CACHD1: variants seen among roughly 807,000 people sequenced by gnomAD.
The protein encoded by CACHD1 is cache domain containing 1, also known as VWFA and cache domain-containing protein 1.
CACHD1 carries 71 observed loss-of-function variants against 138.7 expected under a neutral mutation model. The observed-to-expected ratio is 0.51, with a 90% confidence interval of 0.42 to 0.62. The LOEUF (loss-of-function observed/expected upper bound fraction) is 0.62, where lower values mean the gene tolerates loss of function less well. CACHD1 is among the 20% of genes least tolerant of loss of function. CACHD1 has a pLI of 0.00. For missense variants in CACHD1, 1,389 were observed against 1,625.3 expected, an observed-to-expected ratio of 0.85 and a Z score of 2.50; for synonymous variants, 578 against 591.5, an observed-to-expected ratio of 0.98 and a Z score of 0.33.
At chr1:64,640,552 C>G (rs558633015) in intron 7 of CACHD1, among the ~76,000 whole-genome samples, 95 of 152,070 alleles carry the variant, frequency 6.2e-4, no homozygotes, top group African/African-American at 1.9e-3. Context: ...TGGCACGTGC[C>G]TGTAGTCCCA....
At chr1:64,516,623 A>G (rs776934565) in intron 1 of CACHD1, among the ~76,000 whole-genome samples, 7 of 152,220 alleles carry the variant, frequency 4.6e-5, no homozygotes, top group Non-Finnish European at 8.8e-5. Flanking sequence ...ACAGTCTTGC[A>G]CGATAGGCAT....
At chr1:64,552,319 CCTTGAAGGAAAGATAT>C (rs1646765136) in intron 2 of CACHD1, among the ~76,000 whole-genome samples, 1 of 152,014 alleles carries the variant, frequency 6.6e-6, no homozygotes, top group African/African-American at 2.4e-5. Context: ...TACCAAATAA[CCTTGAAGGAAAGATAT>C]CTTATTACAG....
intron 20 of CACHD1, 85 bp from the exon 21 acceptor site, chr1:64,675,812 C>T: frequency 1.1e-6 from 1 of 886,222 alleles, no homozygotes; most frequent in Admixed American, 2.6e-5. Flanking sequence ...TAGCTCAGAG[C>T]TTCATTATTT....
rs1557554383 is a variant in CACHD1, at chr1:64,679,583, C to T, written c.3245-12C>T. 1 of 1,612,972 alleles carries T rather than the reference C, an allele frequency of 6.2e-7. No individual in the cohort carries two copies. Reference sequence around the variant, plus strand: ...TCTTAACAAGAAACATCTTCTTGCTCTTTCACTGAAGGTGATGAGGTGATC... The same window carrying T: ...TCTTAACAAGAAACATCTTCTTGCTTTTTCACTGAAGGTGATGAGGTGATC... On this transcript the variant is annotated splice_polypyrimidine_tract_variant and intron_variant, in intron 23 of 26. Coordinates refer to ENST00000651257, the MANE Select transcript of CACHD1 (RefSeq NM_020925.4).
chr1:64,594,020 G>A (rs1192530975), intron 3 of CACHD1, among the ~76,000 whole-genome samples: 4 of 152,064 alleles, frequency 2.6e-5, no homozygotes, highest in East Asian at 1.9e-4. Context: ...TTGGGAGGCC[G>A]AGGCGTGGGG....
chr1:64,586,898 G>A (rs1647055353), intron 3 of CACHD1, among the ~76,000 whole-genome samples: 3 of 152,192 alleles, frequency 2.0e-5, no homozygotes, highest in Non-Finnish European at 4.4e-5. Flanking sequence ...TATTGCTAAA[G>A]TCCTTCCAAA....
intron 19 of CACHD1, among the ~76,000 whole-genome samples, 183 bp downstream of exon 19, chr1:64,673,647 C>A (rs907871899): frequency 6.6e-6 from 1 of 152,134 alleles, no homozygotes; most frequent in Non-Finnish European, 1.5e-5. Flanking sequence ...ATATAAAGCT[C>A]AGAGTAGAAA....
At chr1:64,653,065 G>T (rs1649148594) in intron 10 of CACHD1, among the ~76,000 whole-genome samples, 1 of 152,148 alleles carries the variant, frequency 6.6e-6, no homozygotes, top group South Asian at 2.1e-4. Flanking sequence ...CATAAATAAA[G>T]AATGAGATCA....
At chr1:64,502,799 TG>T in intron 1 of CACHD1, among the ~76,000 whole-genome samples, 2 of 152,268 alleles carry the variant, frequency 1.3e-5, no homozygotes, top group Non-Finnish European at 2.9e-5. Context: ...CCACTTAACC[TG>T]TAGTTACATT....
intron 2 of CACHD1, 61 bp from the exon 3 acceptor site, chr1:64,582,095 A>G: frequency 3.8e-6 from 6 of 1,569,438 alleles, no homozygotes; most frequent in Non-Finnish European, 5.2e-6. Context: ...TTTATTAGAA[A>G]AAAATACAAT....
intron 14 of CACHD1, 43 bp from the exon 15 acceptor site, chr1:64,664,455 T>G: frequency 2.0e-5 from 31 of 1,578,482 alleles, no homozygotes; most frequent in Non-Finnish European, 2.4e-5. Flanking sequence ...TCTTTTCATG[T>G]GAGTTTTAAA....
At position 64,653,754 on chromosome 1, in the gene CACHD1, G is replaced by T. The variant is rs765589477; in HGVS notation, c.1541-4G>T. 1.2e-6 allele frequency: 2 copies of T among 1,602,302 alleles called. No individual in the cohort carries two copies. Among genetic ancestry groups the T allele is most frequent in the African/African-American group, 2.7e-5 (2 of 74,352 alleles). On this transcript the variant is annotated splice_region_variant and splice_polypyrimidine_tract_variant and intron_variant, in intron 10 of 26. Transcript: ENST00000651257. ...TTAACATGCATTTTGTTTTCTTATT[G>T]CAGGATATACACTTATGCACCCATC...
At chr1:64,562,504 G>A (rs987753890) in intron 2 of CACHD1, among the ~76,000 whole-genome samples, 2 of 149,718 alleles carry the variant, frequency 1.3e-5, no homozygotes, top group African/African-American at 2.5e-5. Context: ...CCGCCTCCCA[G>A]GTTCAAGCAA....
intron 3 of CACHD1, among the ~76,000 whole-genome samples, chr1:64,585,408 T>C (rs1647043951): frequency 6.6e-6 from 1 of 152,222 alleles, no homozygotes; most frequent in Non-Finnish European, 1.5e-5. Flanking sequence ...TTCTGTCCTT[T>C]AGGAACTTCT....
chr1:64,543,377 G>A (rs1029797663), intron 1 of CACHD1, among the ~76,000 whole-genome samples: 2 of 134,082 alleles, frequency 1.5e-5, no homozygotes, highest in African/African-American at 6.0e-5. Context: ...GTGACATAGC[G>A]AGATCCTATC....
Position 64,654,804 on chromosome 1 carries a change from G to T in CACHD1, c.1782+1G>T. 6.3e-7 allele frequency: 1 copy of T among 1,596,982 alleles called. No individual in the cohort carries two copies. Among genetic ancestry groups the T allele is most frequent in the Non-Finnish European group, 8.6e-7 (1 of 1,164,572 alleles). Reference sequence around the variant, plus strand: ...CAATGTTAGCTATGCCTGGAAGATGGTGAGTGAGAGGAAGTTGTGTTTGCT... The same window carrying T: ...CAATGTTAGCTATGCCTGGAAGATGTTGAGTGAGAGGAAGTTGTGTTTGCT... On this transcript the variant is annotated splice_donor_variant, in intron 12 of 26. Coordinates refer to ENST00000651257, the MANE Select transcript of CACHD1 (RefSeq NM_020925.4). LOFTEE classifies it high-confidence loss of function.
At chr1:64,645,069 C>T (rs1049395892) in intron 8 of CACHD1, among the ~76,000 whole-genome samples, 1 of 152,126 alleles carries the variant, frequency 6.6e-6, no homozygotes, top group Non-Finnish European at 1.5e-5. Flanking sequence ...TGCACTACAG[C>T]CTGGGCAATA....
intron 7 of CACHD1, among the ~76,000 whole-genome samples, chr1:64,640,766 T>TATATATATATATATATATATATATATA (rs1648685455): frequency 7.3e-6 from 1 of 137,860 alleles, no homozygotes; most frequent in Admixed American, 7.4e-5. Flanking sequence ...TATATATATA[T>TATATATATATATATATATATATATATA]GTTAAATCAA....
chr1:64,628,968 A>G (rs1648208093), intron 4 of CACHD1, among the ~76,000 whole-genome samples: 2 of 152,156 alleles, frequency 1.3e-5, no homozygotes, highest in Admixed American at 6.5e-5. Context: ...GAGGCCTATT[A>G]ACATCAGCCT....
Sources: gnomAD v4.1 joint callset for allele counts (sites outside exome capture counted in the v4.1 genomes callset) on GRCh38, gnomAD v4.1.1 for gene constraint, MANE v1.5 for transcripts, NCBI Gene and HGNC (gene_info 2026-07-23, HGNC 2026-07-21) for gene names.